Variants in ACTN1 observed in about 807,000 individuals in gnomAD.
The protein encoded by ACTN1 is actinin alpha 1, also known as alpha-actinin-1.
A neutral mutation model predicts 119.6 loss-of-function variants in ACTN1; 30 were observed. The ratio of observed to expected loss-of-function variants is 0.25; its 90% CI spans 0.19 to 0.34. The LOEUF (loss-of-function observed/expected upper bound fraction) is 0.34. ACTN1 is among the 10% of genes least tolerant of loss of function. ACTN1 has a pLI of 1.00. For missense variants in ACTN1, 764 were observed against 1,223.4 expected (o/e 0.62, Z 5.60); for synonymous variants, 429 against 472.6 (o/e 0.91, Z 1.20).
intron 3 of ACTN1, among the ~76,000 whole-genome samples, chr14:68,915,926 A>G (rs999455825): frequency 6.6e-6 from 1 of 152,232 alleles, no homozygotes; most frequent in African/African-American, 2.4e-5. Flanking sequence ...AGGCAGGAGA[A>G]TCGCTTGAAT....
chr14:68,894,332 C>T (rs904058409), intron 8 of ACTN1, among the ~76,000 whole-genome samples: 1 of 152,190 alleles, frequency 6.6e-6, no homozygotes, highest in Non-Finnish European at 1.5e-5. Flanking sequence ...TCCAGACTTC[C>T]GGATCAACCA....
chr14:68,940,159 G>A (rs577300344), intron 1 of ACTN1, among the ~76,000 whole-genome samples: 2 of 152,340 alleles, frequency 1.3e-5, no homozygotes, highest in East Asian at 3.9e-4. Flanking sequence ...GGCCCTTGCA[G>A]GTCTGAGAGC....
chr14:68,978,901 G>A (rs2037166688), intron 1 of ACTN1, 51 bp downstream of exon 1: 1 of 1,261,244 alleles, frequency 7.9e-7, no homozygotes, highest in Admixed American at 2.1e-5. Context: ...GAGCGGGTCG[G>A]GGCTGGGGGC....
chr14:68,908,221 G>A lies in ACTN1; in HGVS notation c.594+1097C>T, dbSNP rs371390960. On this transcript the variant is annotated intron_variant, in intron 6 of 21. Transcript: ENST00000394419. ...GGGGCGGGGCACGGTGCAGGGAAGCGGGTAGGCATCTGCTCCTTTCCTCCC... is the reference window on the plus strand; with the variant it reads ...GGGGCGGGGCACGGTGCAGGGAAGCAGGTAGGCATCTGCTCCTTTCCTCCC... Among the ~76,000 whole-genome samples, 75 of 152,192 alleles carry A rather than the reference G, an allele frequency of 4.9e-4. No individual in the cohort carries two copies. The East Asian group carries it at 8.3e-3, about 17-fold the overall frequency.
intron 7 of ACTN1, among the ~76,000 whole-genome samples, chr14:68,903,028 T>G (rs11625353): frequency 0.17 from 25,327 of 152,194 alleles, 2,346 homozygotes; most frequent in African/African-American, 0.23. Context: ...ATGTGATAAC[T>G]TTATCATTGA....
Position 68,878,711 on chromosome 14 carries a change from C to G in ACTN1, c.2362-188G>C. 1.3e-6 allele frequency: 2 copies of G among 1,537,004 alleles called. No individual in the cohort carries two copies. Among genetic ancestry groups the G allele is most frequent in the Non-Finnish European group, 1.7e-6 (2 of 1,147,020 alleles). On this transcript the variant is annotated intron_variant, in intron 19 of 21. Transcript: ENST00000394419. The surrounding 1 kb of genome is among the most constrained non-coding windows in gnomAD (Gnocchi z 4.4). Reference sequence around the variant, plus strand: ...ACACATCGGTGGAAATGTCCAAAGACAGGAGGAAGACAGAGCAGGGAGATG... The same window carrying G: ...ACACATCGGTGGAAATGTCCAAAGAGAGGAGGAAGACAGAGCAGGGAGATG...
chr14:68,957,475 G>A (rs1253899485), intron 1 of ACTN1, among the ~76,000 whole-genome samples: 2 of 152,220 alleles, frequency 1.3e-5, no homozygotes, highest in African/African-American at 2.4e-5. Context: ...CAGCACACCT[G>A]CCATGCCCAT....
At chr14:68,969,255 G>A (rs1404365648) in intron 1 of ACTN1, among the ~76,000 whole-genome samples, 1 of 152,210 alleles carries the variant, frequency 6.6e-6, no homozygotes, top group Non-Finnish European at 1.5e-5. Flanking sequence ...TTTCTAATAA[G>A]AGGCCTCAGG....
At chr14:68,889,470 A>G (rs2032301819) in intron 11 of ACTN1, among the ~76,000 whole-genome samples, 1 of 152,252 alleles carries the variant, frequency 6.6e-6, no homozygotes, top group Admixed American at 6.5e-5. Flanking sequence ...CTTATTTGGA[A>G]ACAGGCTCTT....
At chr14:68,890,559 G>A (rs977542532) in intron 10 of ACTN1, among the ~76,000 whole-genome samples, 5 of 152,208 alleles carry the variant, frequency 3.3e-5, no homozygotes, top group Non-Finnish European at 7.3e-5. Context: ...AGAGCCCTGT[G>A]GGGAAAGGGC....
intron 1 of ACTN1, among the ~76,000 whole-genome samples, chr14:68,946,384 T>C (rs1218553963): frequency 6.6e-6 from 1 of 152,190 alleles, no homozygotes; most frequent in African/African-American, 2.4e-5. Context: ...GTTCCTGGCA[T>C]CATCAGCTGA....
chr14:68,885,977 C>T lies in ACTN1; in HGVS notation c.1235-402G>A. ...TGTCCCCAGTTACCGTCACTGGCTG[C>T]CGGCAGCCCTGCAGGGGCCCCTTCC... On this transcript the variant is annotated intron_variant, in intron 11 of 21. Coordinates refer to ENST00000394419, the MANE Select transcript of ACTN1 (RefSeq NM_001130004.2). This position sits in a 1 kb window ranked among gnomAD's most constrained non-coding sequence, Gnocchi z 5.6. 2 of 182,326 alleles carry T rather than the reference C, an allele frequency of 1.1e-5. No homozygotes were observed. The highest frequency in any genetic ancestry group is 1.3e-4 in the East Asian group (1 of 7,806). The allele number at this position is 182,326 out of a possible 1,614,324, so 11.3% of individuals were successfully genotyped here. A position where few individuals can be genotyped will look rare whatever the true frequency, so the allele number is the denominator to read the frequency against.
At chr14:68,948,096 G>C (rs1340815380) in intron 1 of ACTN1, among the ~76,000 whole-genome samples, 1 of 152,218 alleles carries the variant, frequency 6.6e-6, no homozygotes, top group African/African-American at 2.4e-5. Flanking sequence ...TCTCCCAGGG[G>C]AGTAGGGCTT....
At chr14:68,890,079 T>C (rs1268851569) in intron 11 of ACTN1, 60 bp downstream of exon 11, 45 of 1,582,388 alleles carry the variant, frequency 2.8e-5, no homozygotes, top group Non-Finnish European at 3.3e-5. Flanking sequence ...GGCTGCTGGC[T>C]GGGCTGAAGA....
chr14:68,880,194 A>G lies in ACTN1; in HGVS notation c.2134-86T>C. On this transcript the variant is annotated intron_variant, in intron 17 of 21. Transcript: ENST00000394419. The surrounding 1 kb of genome is among the most constrained non-coding windows in gnomAD (Gnocchi z 4.6). Reference sequence around the variant, plus strand: ...CTGCCCATCCTACTCCCCAACCATCAAAATGGCCAAAGCCATCAAACTTGG... The same window carrying G: ...CTGCCCATCCTACTCCCCAACCATCGAAATGGCCAAAGCCATCAAACTTGG... The G allele has an allele frequency of 4.6e-6, 7 of 1,520,272 alleles. No individual in the cohort carries two copies. Among genetic ancestry groups the G allele is most frequent in the Non-Finnish European group, 2.7e-6 (3 of 1,126,968 alleles). The allele number at this position is 1,520,272 out of a possible 1,614,324, so 94.2% of individuals were successfully genotyped here. A position where few individuals can be genotyped will look rare whatever the true frequency, so the allele number is the denominator to read the frequency against.
chr14:68,881,186 G>C, intron 16 of ACTN1, 197 bp from the exon 17 acceptor site: 1 of 559,318 alleles, frequency 1.8e-6, no homozygotes, highest in Non-Finnish European at 3.2e-6. Context: ...GCACCACAGA[G>C]GTATATAACA....
Position 68,879,594 on chromosome 14 carries a change from G to A in ACTN1, c.2280+368C>T, listed in dbSNP as rs1005408329. The stretch of plus-strand genomic sequence containing the variant: ...GTCCCAGAGGCCACTGGAGGTCGGG[G>A]TAGGGGTAGGGGCCAGCGAGGGCAG... On this transcript the variant is annotated intron_variant, in intron 18 of 21. Transcript: ENST00000394419. The surrounding 1 kb of genome is among the most constrained non-coding windows in gnomAD (Gnocchi z 4.9). Among the ~76,000 whole-genome samples, 1 of 152,278 alleles carries A rather than the reference G, an allele frequency of 6.6e-6. No individual in the cohort carries two copies. Among genetic ancestry groups the A allele is most frequent in the Middle Eastern group, 3.4e-3 (1 of 294 alleles).
chr14:68,891,327 C>T (rs1692258642), intron 10 of ACTN1, among the ~76,000 whole-genome samples: 1 of 152,136 alleles, frequency 6.6e-6, no homozygotes, highest in Admixed American at 6.5e-5. Flanking sequence ...ACAAAAATAA[C>T]CTAAAAGAAG....
chr14:68,903,483 G>A (rs1566619603), intron 7 of ACTN1, among the ~76,000 whole-genome samples: 1 of 151,710 alleles, frequency 6.6e-6, no homozygotes, highest in South Asian at 2.1e-4. Context: ...GTTGCAGTGA[G>A]CGGAGATCGC....
Sources: gnomAD v4.1 joint callset for allele counts (sites outside exome capture counted in the v4.1 genomes callset) on GRCh38, gnomAD v4.1.1 for gene constraint, Gnocchi (gnomAD v3.1) non-coding constraint, MANE v1.5 for transcripts, NCBI Gene and HGNC (gene_info 2026-07-23, HGNC 2026-07-21) for gene names.